The following ADARB1 variants were observed in gnomAD, a reference collection of about 807,000 sequenced individuals.
The protein encoded by ADARB1 is adenosine deaminase RNA specific B1.
In ADARB1, 10 loss-of-function variants were observed where a neutral mutation model predicts 52.4. The observed-to-expected ratio is 0.19, with a 90% CI of 0.12 to 0.32. The LOEUF is 0.32. Ranked by LOEUF, ADARB1 falls within the 10% of genes least tolerant of loss-of-function variation. The pLI, the probability that ADARB1 is intolerant of heterozygous loss-of-function variation, is 1.00. For synonymous variants in ADARB1, 349 were observed against 371.1 expected (o/e 0.94, Z 0.68); for missense variants, 643 against 922.3 (o/e 0.70, Z 3.92).
At chr21:45,151,176 C>T (rs1296192465) in intron 2 of ADARB1, among the ~76,000 whole-genome samples, 1 of 152,096 alleles carries the variant, frequency 6.6e-6, no homozygotes, top group African/African-American at 2.4e-5. Flanking sequence ...TGTAGAACTA[C>T]AAAGTGTCAG....
At chr21:45,140,537 G>A (rs1309702678) in intron 2 of ADARB1, among the ~76,000 whole-genome samples, 7 of 152,182 alleles carry the variant, frequency 4.6e-5, no homozygotes, top group Admixed American at 2.0e-4. Context: ...GTGCTGTAGG[G>A]CCGCTTCTAA....
intron 1 of ADARB1, among the ~76,000 whole-genome samples, chr21:45,123,142 A>G (rs781555506): frequency 1.3e-5 from 2 of 152,142 alleles, no homozygotes; most frequent in Non-Finnish European, 2.9e-5. Context: ...CATATATAAG[A>G]GAATAATTTT....
chr21:45,115,428 C>T (rs1325750097), intron 1 of ADARB1, among the ~76,000 whole-genome samples: 3 of 152,146 alleles, frequency 2.0e-5, no homozygotes, highest in East Asian at 1.9e-4. Context: ...CCGGTCAGGG[C>T]GATGTCTCTG....
At position 45,223,018 on chromosome 21, in the gene ADARB1, C is replaced by T. The variant is rs916382247; in HGVS notation, c.*821C>T. The T allele has an allele frequency of 2.0e-6, 2 of 985,280 alleles. No homozygotes were observed. Among genetic ancestry groups the T allele is most frequent in the African/African-American group, 3.5e-5 (2 of 57,226 alleles). 61.0% of individuals were successfully genotyped at this position (985,280 alleles called of 1,614,324 possible). The stretch of plus-strand genomic sequence containing the variant: ...CACAGATAATACATGGCCAGTAATC[C>T]CAGGCTGGCCATTCATTCAGGTTTT... On this transcript the variant is annotated 3_prime_UTR_variant, in exon 11 of 11. Coordinates refer to ENST00000348831, the MANE Select transcript of ADARB1 (RefSeq NM_001112.4).
chr21:45,163,595 C>T (rs552704422), intron 2 of ADARB1, among the ~76,000 whole-genome samples: 8 of 151,806 alleles, frequency 5.3e-5, no homozygotes, highest in Middle Eastern at 3.4e-3. Context: ...CCACTGGGGA[C>T]GCTGACTCTG....
At chr21:45,108,294 G>C (rs2087350449) in intron 1 of ADARB1, among the ~76,000 whole-genome samples, 1 of 152,156 alleles carries the variant, frequency 6.6e-6, no homozygotes, top group South Asian at 2.1e-4. Context: ...ATTTCTTACA[G>C]ATGTGCAAAT....
rs997845089 is a variant in ADARB1, at chr21:45,208,703, C to T, written c.1747+3967C>T. ...GAGTGTGTGTGCATGTGTGTGTGCA[C>T]GCTCACATGAGTGTATGAGAGAGAG... is the stretch of plus-strand genomic sequence containing the variant. On this transcript the variant is annotated intron_variant, in intron 9 of 10. Coordinates refer to ENST00000348831, the MANE Select transcript of ADARB1 (RefSeq NM_001112.4). This position sits in a 1 kb window ranked among gnomAD's most constrained non-coding sequence, Gnocchi z 5.6. Among the ~76,000 whole-genome samples, 8 of 151,612 alleles carry T rather than the reference C, an allele frequency of 5.3e-5. No individual in the cohort carries two copies. The South Asian group carries it at 1.0e-3, about 20-fold the overall frequency.
In ADARB1 at chr21:45,220,634, T is replaced by C. The variant is rs979802870; in HGVS notation, c.1748-202T>C. On this transcript the variant is annotated intron_variant, in intron 9 of 10. Transcript: ENST00000348831. This position sits in a 1 kb window ranked among gnomAD's most constrained non-coding sequence, Gnocchi z 6.3. The stretch of plus-strand genomic sequence containing the variant: ...GTCAGTTCTGCTTTCTCAGCACTGC[T>C]CCTATTCTGGTGGCCGTGGAAGAGT... Among the ~76,000 whole-genome samples the C allele has an allele frequency of 1.2e-4, 18 of 152,210 alleles. No homozygotes were observed. The highest frequency in any genetic ancestry group is 2.5e-4 in the Non-Finnish European group (17 of 68,038).
intron 1 of ADARB1, among the ~76,000 whole-genome samples, chr21:45,116,730 G>T (rs765974850): frequency 2.0e-4 from 31 of 152,274 alleles, no homozygotes; most frequent in African/African-American, 6.5e-4. Context: ...TTACAAAGCC[G>T]TCAGATCCCG....
chr21:45,083,058 A>G (rs979146435), intron 1 of ADARB1, among the ~76,000 whole-genome samples: 3 of 152,100 alleles, frequency 2.0e-5, no homozygotes, highest in South Asian at 2.1e-4. Context: ...TATTTCTGCC[A>G]TCTGTACCCA....
intron 8 of ADARB1, among the ~76,000 whole-genome samples, chr21:45,203,091 C>G (rs889226571): frequency 6.6e-6 from 1 of 152,236 alleles, no homozygotes; most frequent in Non-Finnish European, 1.5e-5. Flanking sequence ...CCAGCCCCTC[C>G]CCTGAGACAC....
At chr21:45,187,653 A>C (rs2092152178) in intron 8 of ADARB1, among the ~76,000 whole-genome samples, 1 of 152,090 alleles carries the variant, frequency 6.6e-6, no homozygotes. Context: ...TCTTTTCATA[A>C]ATGTCCTTTA....
chr21:45,149,419 G>T (rs1385964327), intron 2 of ADARB1, among the ~76,000 whole-genome samples: 4 of 152,246 alleles, frequency 2.6e-5, no homozygotes, highest in Admixed American at 6.5e-5. Flanking sequence ...TGGGGCACCA[G>T]AGTTCAAATG....
intron 1 of ADARB1, among the ~76,000 whole-genome samples, chr21:45,107,520 A>G (rs906726737): frequency 7.2e-5 from 11 of 152,236 alleles, no homozygotes; most frequent in African/African-American, 2.7e-4. Flanking sequence ...AGACAGACCA[A>G]TGGAGGAAAT....
chr21:45,081,310 C>CG (rs1162612881), intron 1 of ADARB1, among the ~76,000 whole-genome samples: 2 of 152,164 alleles, frequency 1.3e-5, no homozygotes, highest in Non-Finnish European at 2.9e-5. Context: ...CAACTACACA[C>CG]GGACCCGGCT....
In ADARB1 at chr21:45,225,025, TACATTTTGAGG is replaced by T; in HGVS notation, c.*2838_*2848del. 2.0e-6 allele frequency: 2 copies of T among 985,642 alleles called. No homozygotes were observed. Among genetic ancestry groups the T allele is most frequent in the Non-Finnish European group, 2.4e-6 (2 of 830,140 alleles). 61.1% of individuals were successfully genotyped at this position (985,642 alleles called of 1,614,324 possible). A position where few individuals can be genotyped will look rare whatever the true frequency, so the allele number is the denominator to read the frequency against. On this transcript the variant is annotated 3_prime_UTR_variant, in exon 11 of 11. Coordinates refer to ENST00000348831, the MANE Select transcript of ADARB1 (RefSeq NM_001112.4). ...AACTTGATTTTTTAAGAAAAAATAT[TACATTTTGAGG>T]ACATTTTGACAAGTAGGGGAAGAGA... is the stretch of plus-strand genomic sequence containing the variant.
At chr21:45,210,446 A>G (rs1393851986) in intron 9 of ADARB1, among the ~76,000 whole-genome samples, 2 of 152,212 alleles carry the variant, frequency 1.3e-5, no homozygotes, top group Non-Finnish European at 2.9e-5. Context: ...GTAATGCTAC[A>G]GTACAGTTAC....
In ADARB1 at chr21:45,200,427, C is replaced by T. The variant is rs1406931102; in HGVS notation, c.1566-4128C>T. 2.6e-5 allele frequency among the ~76,000 whole-genome samples: 4 copies of T among 152,182 alleles called. No homozygotes were observed. Among genetic ancestry groups the T allele is most frequent in the Admixed American group, 6.5e-5 (1 of 15,282 alleles). On this transcript the variant is annotated intron_variant, in intron 8 of 10. Coordinates refer to ENST00000348831, the MANE Select transcript of ADARB1 (RefSeq NM_001112.4). This position sits in a 1 kb window ranked among gnomAD's most constrained non-coding sequence, Gnocchi z 5.0. The stretch of plus-strand genomic sequence containing the variant: ...ACGAGAGTCTTGGTTCAGATGACCT[C>T]GGCCTGTGTCCTCAGCTGCACAGAG...
At chr21:45,139,013 C>T (rs2089552714) in intron 2 of ADARB1, among the ~76,000 whole-genome samples, 2 of 151,828 alleles carry the variant, frequency 1.3e-5, no homozygotes, top group African/African-American at 4.8e-5. Context: ...CTCCGCCTCT[C>T]GGGTTCAAGC....
Sources: allele counts gnomAD v4.1 joint callset (sites outside exome capture counted in the v4.1 genomes callset), GRCh38; gene constraint gnomAD v4.1.1; non-coding constraint Gnocchi (gnomAD v3.1); transcripts MANE v1.5; gene names NCBI Gene and HGNC (gene_info 2026-07-23, HGNC 2026-07-21).